Variants in SLC9A5 observed in about 807,000 individuals in gnomAD.
SLC9A5 encodes the protein solute carrier family 9 member A5.
Under a neutral mutation model 91.7 loss-of-function variants are expected in SLC9A5, and 52 were observed. The ratio of observed to expected loss-of-function variants is 0.57; its 90% CI spans 0.45 to 0.71. The LOEUF (loss-of-function observed/expected upper bound fraction) is 0.71. Ranked by LOEUF, SLC9A5 falls within the 30% of genes least tolerant of loss-of-function variation. The pLI is 0.00. For synonymous variants in SLC9A5, 419 were observed against 474.5 expected (o/e 0.88, Z 1.52); for missense variants, 871 against 1,158.9 (o/e 0.75, Z 3.61).
chr16:67,256,976 G>C lies in SLC9A5; in HGVS notation c.1198G>C (p.Val400Leu). 1 of 1,614,212 alleles carries C rather than the reference G, an allele frequency of 6.2e-7. No individual in the cohort carries two copies. The highest frequency in any genetic ancestry group is 1.3e-5 in the African/African-American group (1 of 75,072). Residue 400 changes from valine (V) to leucine (L), a missense_variant, in exon 7 of 16, where the codon GTG (valine) becomes CTG (leucine). By Grantham distance (32) the Val-to-Leu change is conservative. Transcript: ENST00000299798. This position sits in a 1 kb window ranked among gnomAD's most constrained non-coding sequence, Gnocchi z 4.1. Reference protein sequence around the residue: ...RLVPLDKIDQVVMSYGGLRGA... With the variant: ...RLVPLDKIDQLVMSYGGLRGA... ...AGTCCCTCTGGACAAGATTGACCAA[G>C]TGGTGATGTCCTATGGGGGCCTGCG...
intron 10 of SLC9A5, among the ~76,000 whole-genome samples, chr16:67,259,181 C>T (rs1007120858): frequency 2.1e-4 from 32 of 151,536 alleles, no homozygotes; most frequent in African/African-American, 7.8e-4. Flanking sequence ...ATCGCTTGAA[C>T]CCTGGTGGAG....
chr16:67,255,640 G>A lies in SLC9A5; in HGVS notation c.734-113G>A. 7.4e-7 allele frequency: 1 copy of A among 1,349,182 alleles called. No individual in the cohort carries two copies. The highest frequency in any genetic ancestry group is 1.0e-6 in the Non-Finnish European group (1 of 973,222). The allele number at this position is 1,349,182 out of a possible 1,614,324, so 83.6% of individuals were successfully genotyped here. A position where few individuals can be genotyped will look rare whatever the true frequency, so the allele number is the denominator to read the frequency against. Reference sequence around the variant, plus strand: ...CCAGGGATCCTGGCTCTGGGGTTTTGAGCCCCTGGGAGTGCGGTGGGCATC... The same window carrying A: ...CCAGGGATCCTGGCTCTGGGGTTTTAAGCCCCTGGGAGTGCGGTGGGCATC... On this transcript the variant is annotated intron_variant, in intron 4 of 15. Transcript: ENST00000299798. The surrounding 1 kb of genome is among the most constrained non-coding windows in gnomAD (Gnocchi z 4.9).
At chr16:67,269,455 C>T (rs8050508) in intron 15 of SLC9A5, among the ~76,000 whole-genome samples, 18,564 of 151,840 alleles carry the variant, frequency 0.12, 2,511 homozygotes, top group African/African-American at 0.34. Flanking sequence ...AACAAAAAAC[C>T]TCGCCTCATC....
chr16:67,255,615 C>A lies in SLC9A5; in HGVS notation c.734-138C>A, dbSNP rs1331589734. 3 of 1,293,432 alleles carry A rather than the reference C, an allele frequency of 2.3e-6. No homozygotes were observed. Among genetic ancestry groups the A allele is most frequent in the Non-Finnish European group, 3.3e-6 (3 of 918,386 alleles). The allele number at this position is 1,293,432 out of a possible 1,614,324, so 80.1% of individuals were successfully genotyped here. On this transcript the variant is annotated intron_variant, in intron 4 of 15. Transcript: ENST00000299798. The surrounding 1 kb of genome is among the most constrained non-coding windows in gnomAD (Gnocchi z 4.9). ...AGAAATGGGGTCTGGGAGGGGCTTG[C>A]CAGGGATCCTGGCTCTGGGGTTTTG...
chr16:67,260,017 C>T (rs1375158300), intron 12 of SLC9A5, 71 bp downstream of exon 12: 39 of 1,551,598 alleles, frequency 2.5e-5, no homozygotes, highest in Middle Eastern at 2.0e-4. Context: ...AGGCAGTTGG[C>T]GCCAGCTTGT....
chr16:67,249,066 G>A lies in SLC9A5; in HGVS notation c.52G>A (p.Glu18Lys), dbSNP rs2035000056. 10 of 1,517,254 alleles carry A rather than the reference G, an allele frequency of 6.6e-6. No homozygotes were observed. Among genetic ancestry groups the A allele is most frequent in the African/African-American group, 1.4e-5 (1 of 70,986 alleles). The allele number at this position is 1,517,254 out of a possible 1,614,324, so 94.0% of individuals were successfully genotyped here. A position where few individuals can be genotyped will look rare whatever the true frequency, so the allele number is the denominator to read the frequency against. The change falls in exon 1 of 16, where the codon GAA (glutamate) becomes AAA (lysine). Residue 18 changes from glutamate to lysine, a missense_variant. By Grantham distance (56) the Glu-to-Lys change is moderately conservative. Around this residue, in one of 3 missense-constraint regions of SLC9A5, gnomAD observed 122 missense variants for 114.5 expected, o/e 1.07. Coordinates refer to ENST00000299798, the MANE Select transcript of SLC9A5 (RefSeq NM_004594.3). Reference sequence around the variant, plus strand: ...CGCGCTGCCCCTGGCGGGGGCGGCCGAAGAGCCCACCCAGAAGCCAGAGTC... The same window carrying A: ...CGCGCTGCCCCTGGCGGGGGCGGCCAAAGAGCCCACCCAGAAGCCAGAGTC... ...LLALPLAGAA[E>K]EPTQKPESPG...
chr16:67,259,715 C>G, intron 11 of SLC9A5, 54 bp downstream of exon 11: 1 of 1,593,996 alleles, frequency 6.3e-7, no homozygotes, highest in South Asian at 1.1e-5. Context: ...TGTGCCCTCT[C>G]TCTGAGTCCC....
rs199584921 is a variant in SLC9A5, at chr16:67,271,047, C to A, written c.2528C>A (p.Pro843Gln). 1 of 1,612,244 alleles carries A rather than the reference C, an allele frequency of 6.2e-7. No individual in the cohort carries two copies. Among genetic ancestry groups the A allele is most frequent in the East Asian group, 2.2e-5 (1 of 44,832 alleles). ...CCACGCTCTAGCTTCGCCTTCCCAC[C>A]GAGCCTGGCCAAGGCTGGCCGCTCT... ...SDPRSSFAFPPSLAKAGRSRS... is the reference protein window; with the variant it reads ...SDPRSSFAFPQSLAKAGRSRS... Residue 843 changes from proline (P) to glutamine (Q), a missense_variant, in exon 16 of 16, where the codon CCG (proline) becomes CAG (glutamine). Coordinates refer to ENST00000299798, the MANE Select transcript of SLC9A5 (RefSeq NM_004594.3).
intron 10 of SLC9A5, among the ~76,000 whole-genome samples, chr16:67,259,084 C>A (rs2035424100): frequency 6.6e-6 from 1 of 151,856 alleles, no homozygotes; most frequent in African/African-American, 2.4e-5. Flanking sequence ...CATAGTGAAA[C>A]CCCGTCTCTA....
chr16:67,259,811 C>A lies in SLC9A5; in HGVS notation c.1716-9C>A. 2 of 1,613,902 alleles carry A rather than the reference C, an allele frequency of 1.2e-6. No homozygotes were observed. The highest frequency in any genetic ancestry group is 1.3e-5 in the African/African-American group (1 of 75,030). ...CCTCTCCAGCACATGTGTCCCCTGC[C>A]TCCTGCAGGAGGGAGAGTGGCAGTG... On this transcript the variant is annotated splice_polypyrimidine_tract_variant and intron_variant, in intron 11 of 15. Coordinates refer to ENST00000299798, the MANE Select transcript of SLC9A5 (RefSeq NM_004594.3).
At chr16:67,268,521 C>T (rs1475497670) in intron 15 of SLC9A5, among the ~76,000 whole-genome samples, 1 of 149,506 alleles carries the variant, frequency 6.7e-6, no homozygotes, top group Non-Finnish European at 1.5e-5. Context: ...ATGATCACGC[C>T]ACTACACTCC....
At position 67,266,153 on chromosome 16, in the gene SLC9A5, AAGG is replaced by A. The variant is rs2035694339; in HGVS notation, c.2151_2153del (p.Glu717del). 1.2e-6 allele frequency: 2 copies of A among 1,611,332 alleles called. No individual in the cohort carries two copies. Among genetic ancestry groups the A allele is most frequent in the Non-Finnish European group, 1.7e-6 (2 of 1,178,804 alleles). On this transcript the variant is annotated inframe_deletion, in exon 15 of 16. Transcript: ENST00000299798. ...GGAGAGCGACAGTTCAGAGACAGAG[AAGG>A]AGGACGATGAGGGGATCATCTTTGT...
At chr16:67,266,376 C>A (rs2035705241) in intron 15 of SLC9A5, 151 bp downstream of exon 15, 1 of 763,142 alleles carries the variant, frequency 1.3e-6, no homozygotes, top group Non-Finnish European at 2.0e-6. Context: ...ATACCAGATG[C>A]CCGACATAGG....
chr16:67,263,925 G>A lies in SLC9A5; in HGVS notation c.1843-427G>A, dbSNP rs1309949591. The A allele has an allele frequency of 4.2e-5, 8 of 191,328 alleles. No homozygotes were observed. The Admixed American group carries it at 4.2e-4, about 10-fold the overall frequency. The allele number at this position is 191,328 out of a possible 1,614,324, so 11.9% of individuals were successfully genotyped here. A position where few individuals can be genotyped will look rare whatever the true frequency, so the allele number is the denominator to read the frequency against. ...ATGGTGGTTCTTGTAGAAATGGCTA[G>A]ATAGGAGATTCCAGCTGGAGAAAGG... On this transcript the variant is annotated intron_variant, in intron 12 of 15. Transcript: ENST00000299798.
At chr16:67,259,379 A>T (rs1444280748) in intron 10 of SLC9A5, among the ~76,000 whole-genome samples, 194 bp from the exon 11 acceptor site, 1 of 151,722 alleles carries the variant, frequency 6.6e-6, no homozygotes, top group African/African-American at 2.4e-5. Context: ...AAAAAAAAAA[A>T]AAAAAATAGA....
Position 67,265,052 on chromosome 16 carries a change from G to A in SLC9A5, c.2026G>A (p.Ala676Thr), listed in dbSNP as rs370631480. The change falls in exon 14 of 16, where the codon GCG becomes ACG. Residue 676 changes from alanine to threonine, a missense_variant. Physicochemically the swap from Ala to Thr is moderately conservative, Grantham distance 58. Around this residue, in one of 3 missense-constraint regions of SLC9A5, gnomAD observed 295 missense variants for 326.0 expected, o/e 0.90. Transcript: ENST00000299798. ...KTGRRKKDGV[A>T]NAEATNGKHR... ...TCTTGGTCCTCAGAAGGATGGTGTG[G>A]CGAATGCTGAGGCTACAAATGGGAA... 5 of 1,614,046 alleles carry A rather than the reference G, an allele frequency of 3.1e-6. No homozygotes were observed. Among genetic ancestry groups the A allele is most frequent in the African/African-American group, 1.3e-5 (1 of 74,918 alleles).
Position 67,270,868 on chromosome 16 carries a change from G to A in SLC9A5, c.2349G>A (p.Val783=), listed in dbSNP as rs2035893754. The A allele has an allele frequency of 6.2e-7, 1 of 1,614,110 alleles. No individual in the cohort carries two copies. The highest frequency in any genetic ancestry group is 8.5e-7 in the Non-Finnish European group (1 of 1,180,006). Residue 783 remains valine, a synonymous_variant, in exon 16 of 16, where the codon GTG becomes GTA. Coordinates refer to ENST00000299798, the MANE Select transcript of SLC9A5 (RefSeq NM_004594.3). This position sits in a 1 kb window ranked among gnomAD's most constrained non-coding sequence, Gnocchi z 4.3. ...VYVSSETTKI[V]PVDMQTGWNQ... is the part of the protein sequence containing the mutation. ...TGTCCTCGGAAACCACCAAGATTGTGCCTGTGGACATGCAGACGGGTTGGA... is the reference window on the plus strand; with the variant it reads ...TGTCCTCGGAAACCACCAAGATTGTACCTGTGGACATGCAGACGGGTTGGA...
intron 12 of SLC9A5, 102 bp downstream of exon 12, chr16:67,260,048 G>C: frequency 1.4e-6 from 2 of 1,474,344 alleles, no homozygotes; most frequent in African/African-American, 1.4e-5. Flanking sequence ...CAGATGCCCA[G>C]CTAAAGAGTG....
chr16:67,258,584 G>A lies in SLC9A5; in HGVS notation c.1626+137G>A, dbSNP rs985745915. ...AGCTGGCTCCATGGTCTGGTGAAGT[G>A]GCAGCGGCAGGAAGCAGCTGGGTCT... On this transcript the variant is annotated intron_variant, in intron 10 of 15. Transcript: ENST00000299798. This position sits in a 1 kb window ranked among gnomAD's most constrained non-coding sequence, Gnocchi z 4.5. 2.0e-6 allele frequency: 2 copies of A among 1,007,980 alleles called. No homozygotes were observed. Among genetic ancestry groups the A allele is most frequent in the Non-Finnish European group, 3.0e-6 (2 of 670,602 alleles). The allele number at this position is 1,007,980 out of a possible 1,614,324, so 62.4% of individuals were successfully genotyped here. A position where few individuals can be genotyped will look rare whatever the true frequency, so the allele number is the denominator to read the frequency against.
Sources: gnomAD v4.1 joint callset for allele counts (sites outside exome capture counted in the v4.1 genomes callset) on GRCh38, gnomAD v4.1.1 for gene constraint, gnomAD v4.1.1 regional missense constraint, Gnocchi (gnomAD v3.1) non-coding constraint, MANE v1.5 for transcripts, NCBI Gene and HGNC (gene_info 2026-07-23, HGNC 2026-07-21) for gene names.